Variants in UGT1A9 observed in about 807,000 individuals in gnomAD.
UGT1A9 encodes the protein UDP-glucuronosyltransferase 1A9.
UGT1A9 carries 35 observed loss-of-function variants against 45.0 expected under a neutral mutation model. The observed-to-expected ratio is 0.78, with a 90% CI of 0.59 to 1.03. The LOEUF is 1.03. Among genes scored for constraint, UGT1A9 ranks in the 50% least tolerant of loss-of-function variants. The probability of loss-of-function intolerance (pLI) is 0.00; values close to 1 mark genes in which losing one functional copy is unlikely to be tolerated. For synonymous variants in UGT1A9, 278 were observed against 250.6 expected, an observed-to-expected ratio of 1.11 and a Z score of -1.03; for missense variants, 687 against 666.6, an observed-to-expected ratio of 1.03 and a Z score of -0.34.
rs142877456 is a variant in UGT1A9, at chr2:233,729,472, A to G, written c.856-37562A>G. On this transcript the variant is annotated intron_variant, in intron 1 of 4. Transcript: ENST00000354728. ...GAAGAAATTTTTCAGAAGTATGGCA[A>G]TGTTGAACAATATGTCTTTGGTCTA... 29 of 1,614,082 alleles carry G rather than the reference A, an allele frequency of 1.8e-5. No homozygotes were observed. The highest frequency in any genetic ancestry group is 2.5e-5 in the Non-Finnish European group (29 of 1,180,048).
At chr2:233,720,767 C>A (rs550051357) in intron 1 of UGT1A9, among the ~76,000 whole-genome samples, 2 of 150,844 alleles carry the variant, frequency 1.3e-5, no homozygotes, top group East Asian at 3.9e-4. Flanking sequence ...GGGCAGTGGC[C>A]GGATCTCCGC....
intron 1 of UGT1A9, chr2:233,681,850 T>C: frequency 6.6e-7 from 1 of 1,519,154 alleles, no homozygotes; most frequent in Non-Finnish European, 8.8e-7. Context: ...CGCCTTCTTT[T>C]GAGGGCAGGT....
At chr2:233,679,548 T>C (rs2074455611) in intron 1 of UGT1A9, among the ~76,000 whole-genome samples, 1 of 152,200 alleles carries the variant, frequency 6.6e-6, no homozygotes, top group South Asian at 2.1e-4. Context: ...GTGTCATCTT[T>C]TTTTTTGTTT....
At chr2:233,741,946 A>T (rs1293176575) in intron 1 of UGT1A9, 1 of 151,876 alleles carries the variant, frequency 6.6e-6, no homozygotes, top group Non-Finnish European at 1.5e-5. Flanking sequence ...TGCCAACAGA[A>T]AGGTACTTTC....
chr2:233,690,724 A>G (rs982739962), intron 1 of UGT1A9: 1 of 1,213,628 alleles, frequency 8.2e-7, no homozygotes, highest in Non-Finnish European at 1.0e-6. Context: ...ACGAACAGAC[A>G]TGCCAGATTC....
chr2:233,682,670 T>C, intron 1 of UGT1A9: 2 of 1,613,882 alleles, frequency 1.2e-6, no homozygotes, highest in Non-Finnish European at 1.7e-6. Flanking sequence ...ATATGATCTC[T>C]ACAGCCACAC....
At chr2:233,673,466 A>G (rs551660253) in intron 1 of UGT1A9, among the ~76,000 whole-genome samples, 29 of 152,262 alleles carry the variant, frequency 1.9e-4, no homozygotes, top group Non-Finnish European at 3.1e-4. Context: ...TTACATGAAT[A>G]TATTTCCATA....
At chr2:233,772,231 C>G (rs2126066106) in intron 4 of UGT1A9, 31 bp from the exon 5 acceptor site, 1 of 1,613,718 alleles carries the variant, frequency 6.2e-7, no homozygotes, top group Non-Finnish European at 8.5e-7. Context: ...CACAGGTGTT[C>G]CAGGCATAAC....
chr2:233,711,112 C>A (rs568461565), intron 1 of UGT1A9, among the ~76,000 whole-genome samples: 2 of 152,346 alleles, frequency 1.3e-5, no homozygotes, highest in South Asian at 4.1e-4. Flanking sequence ...GACCCCTCCT[C>A]ATCTCCAGAC....
chr2:233,683,596 T>A (rs1209993411), intron 1 of UGT1A9, among the ~76,000 whole-genome samples: 1 of 152,220 alleles, frequency 6.6e-6, no homozygotes, highest in Non-Finnish European at 1.5e-5. Context: ...TATGAATCCC[T>A]CATTATTTAT....
At chr2:233,715,316 T>C (rs2076444924) in intron 1 of UGT1A9, among the ~76,000 whole-genome samples, 1 of 152,236 alleles carries the variant, frequency 6.6e-6, no homozygotes, top group Non-Finnish European at 1.5e-5. Flanking sequence ...TTTTGCTTTA[T>C]ACATAGTGAT....
chr2:233,755,990 C>G (rs1406862229), intron 1 of UGT1A9: 1 of 152,186 alleles, frequency 6.6e-6, no homozygotes, highest in East Asian at 1.9e-4. Context: ...CTCATGTCAG[C>G]TTCTGCATTC....
intron 1 of UGT1A9, among the ~76,000 whole-genome samples, chr2:233,724,201 G>A: frequency 7.6e-6 from 1 of 131,764 alleles, no homozygotes; most frequent in South Asian, 2.7e-4. Flanking sequence ...TGGCTGGCCG[G>A]GCTGAGGGGC....
chr2:233,700,965 C>T (rs573985854), intron 1 of UGT1A9, among the ~76,000 whole-genome samples: 8 of 151,868 alleles, frequency 5.3e-5, no homozygotes, highest in East Asian at 3.9e-4. Context: ...TGAGAACATG[C>T]GGTGTTTGAT....
At chr2:233,729,423 G>A in intron 1 of UGT1A9, 2 of 1,613,822 alleles carry the variant, frequency 1.2e-6, no homozygotes, top group East Asian at 4.5e-5. Flanking sequence ...ACACTCAACT[G>A]TACTTTGAAA....
intron 1 of UGT1A9, among the ~76,000 whole-genome samples, chr2:233,745,757 G>C (rs1464205566): frequency 6.7e-6 from 1 of 150,374 alleles, no homozygotes; most frequent in Non-Finnish European, 1.5e-5. Context: ...AGCAGAAGGG[G>C]TGGAGAGGAG....
At chr2:233,714,230 T>C (rs2076374680) in intron 1 of UGT1A9, among the ~76,000 whole-genome samples, 1 of 152,196 alleles carries the variant, frequency 6.6e-6, no homozygotes, top group Non-Finnish European at 1.5e-5. Context: ...GGCAAGATTT[T>C]CAGTAGAAAG....
At chr2:233,688,441 C>G (rs10168416) in intron 1 of UGT1A9, among the ~76,000 whole-genome samples, 45,384 of 152,094 alleles carry the variant, frequency 0.3, 7,124 homozygotes, top group South Asian at 0.4. Flanking sequence ...CTGACTGCCT[C>G]CCTGTGTTGA....
At chr2:233,689,215 AC>A (rs2074932352) in intron 1 of UGT1A9, among the ~76,000 whole-genome samples, 1 of 152,178 alleles carries the variant, frequency 6.6e-6, no homozygotes, top group South Asian at 2.1e-4. Flanking sequence ...AGCCATACTT[AC>A]CTGCACTTCC....
Sources: allele counts gnomAD v4.1 joint callset (sites outside exome capture counted in the v4.1 genomes callset), GRCh38; gene constraint gnomAD v4.1.1; transcripts MANE v1.5; gene names NCBI Gene and HGNC (gene_info 2026-07-23, HGNC 2026-07-21).